The following WNT3 variants were observed in gnomAD, a reference collection of about 807,000 sequenced individuals.
WNT3 encodes Wnt family member 3.
In WNT3, 7 loss-of-function variants were observed where a neutral mutation model predicts 34.2. The observed-to-expected ratio is 0.20, with a 90% confidence interval of 0.12 to 0.38. The LOEUF is 0.38. Among genes scored for constraint, WNT3 ranks in the 10% least tolerant of loss-of-function variants. The pLI is 1.00. For synonymous variants in WNT3, 212 were observed against 211.5 expected, an observed-to-expected ratio of 1.00 and a Z score of -0.02; for missense variants, 267 against 499.8, an observed-to-expected ratio of 0.53 and a Z score of 4.44.
chr17:46,778,821 A>G (rs963762083), intron 1 of WNT3, among the ~76,000 whole-genome samples: 1 of 151,824 alleles, frequency 6.6e-6, no homozygotes, highest in Non-Finnish European at 1.5e-5. Flanking sequence ...ACCATTCTAC[A>G]CCATCCTTTG....
intron 1 of WNT3, among the ~76,000 whole-genome samples, chr17:46,805,770 C>T (rs187375916): frequency 3.3e-5 from 5 of 152,212 alleles, no homozygotes; most frequent in African/African-American, 1.2e-4. Context: ...CAAACTGAAA[C>T]TTGACAGTGA....
At chr17:46,792,599 G>A (rs1157280834) in intron 1 of WNT3, among the ~76,000 whole-genome samples, 5 of 152,124 alleles carry the variant, frequency 3.3e-5, no homozygotes, top group African/African-American at 7.2e-5. Flanking sequence ...TCAGCCTCCC[G>A]AGTAGCTGGG....
At chr17:46,771,942 C>A (rs570786956) in intron 2 of WNT3, among the ~76,000 whole-genome samples, 1 of 147,592 alleles carries the variant, frequency 6.8e-6, no homozygotes, top group South Asian at 2.1e-4. Flanking sequence ...GCGCCGCCGC[C>A]GCGCCTCGCC....
chr17:46,815,944 G>A (rs2084336387), intron 1 of WNT3, among the ~76,000 whole-genome samples: 1 of 152,118 alleles, frequency 6.6e-6, no homozygotes, highest in South Asian at 2.1e-4. Flanking sequence ...CAGCACCTGG[G>A]GACAGGATCA....
In WNT3 at chr17:46,769,903, G is replaced by A; in HGVS notation, c.468C>T (p.Gly156=). Residue 156 remains glycine, a synonymous_variant, in exon 3 of 5, where the codon GGC becomes GGT. Transcript: ENST00000225512. ...KGPPGEGWKW[G]GCSEDADFGV... is the part of the protein sequence containing the mutation. ...CGAAGTCAGCGTCCTCGCTGCAGCC[G>A]CCCCACTTCCAGCCTTCGCCAGGCG... is the stretch of plus-strand genomic sequence containing the variant. The A allele has an allele frequency of 6.2e-7, 1 of 1,613,552 alleles. No homozygotes were observed.
chr17:46,773,433 A>C (rs911316196), intron 2 of WNT3, among the ~76,000 whole-genome samples: 1 of 152,064 alleles, frequency 6.6e-6, no homozygotes, highest in African/African-American at 2.4e-5. Context: ...GCCAGGAAGG[A>C]AGTCTGTGGC....
chr17:46,788,227 C>G lies in WNT3; in HGVS notation c.81-14318G>C, dbSNP rs114456492. On this transcript the variant is annotated intron_variant, in intron 1 of 4. Transcript: ENST00000225512. ...GCCTCCCACTCCACTAAGTGGAATT[C>G]TAATTCAAATTTTTCCTAAGCCATG... is the stretch of plus-strand genomic sequence containing the variant. Among the ~76,000 whole-genome samples, 866 of 152,334 alleles carry G rather than the reference C, an allele frequency of 5.7e-3. 7 individuals are homozygous for G. Among genetic ancestry groups the G allele is most frequent in the African/African-American group, 0.02 (823 of 41,582 alleles).
Position 46,785,120 on chromosome 17 carries a change from C to T in WNT3, c.81-11211G>A, listed in dbSNP as rs1482862799. On this transcript the variant is annotated intron_variant, in intron 1 of 4. Transcript: ENST00000225512. ...TATGATGCATCCTAAGCCTTCAGTGCACAGCTGCCTTCCCTTGGGGACCCC... is the reference window on the plus strand; with the variant it reads ...TATGATGCATCCTAAGCCTTCAGTGTACAGCTGCCTTCCCTTGGGGACCCC... Among the ~76,000 whole-genome samples the T allele has an allele frequency of 3.3e-5, 5 of 152,300 alleles. No individual in the cohort carries two copies. In the South Asian group the frequency reaches 8.3e-4, roughly 25 times the overall value.
At chr17:46,798,897 A>G (rs1456470438) in intron 1 of WNT3, among the ~76,000 whole-genome samples, 1 of 151,826 alleles carries the variant, frequency 6.6e-6, no homozygotes, top group African/African-American at 2.4e-5. Flanking sequence ...AAAATACAAA[A>G]ATTGGCCAGG....
At chr17:46,770,490 C>G (rs116214961) in intron 2 of WNT3, among the ~76,000 whole-genome samples, 1,794 of 152,274 alleles carry the variant, frequency 0.012, 39 homozygotes, top group African/African-American at 0.042. Flanking sequence ...AGGAGGGAGG[C>G]CTGGGAATCT....
intron 1 of WNT3, among the ~76,000 whole-genome samples, chr17:46,808,684 C>T (rs181472921): frequency 2.0e-4 from 31 of 152,300 alleles, no homozygotes; most frequent in African/African-American, 7.0e-4. Context: ...AGAGAAACAA[C>T]TTCTGCCAAT....
intron 1 of WNT3, among the ~76,000 whole-genome samples, chr17:46,812,846 A>G (rs560044631): frequency 6.6e-6 from 1 of 152,178 alleles, no homozygotes; most frequent in Non-Finnish European, 1.5e-5. Flanking sequence ...TAACATCGAT[A>G]TGCTTCCTGT....
chr17:46,766,499 C>T (rs897032061), intron 4 of WNT3, among the ~76,000 whole-genome samples: 2 of 152,116 alleles, frequency 1.3e-5, no homozygotes, highest in African/African-American at 4.8e-5. Context: ...GCTGAGTGGA[C>T]GAGTGGAGGC....
intron 1 of WNT3, among the ~76,000 whole-genome samples, chr17:46,796,126 G>A (rs1048362533): frequency 1.3e-5 from 2 of 152,182 alleles, no homozygotes; most frequent in Non-Finnish European, 2.9e-5. Context: ...CCCCAATCCT[G>A]ATCTTATTGC....
intron 2 of WNT3, among the ~76,000 whole-genome samples, chr17:46,770,278 G>C (rs1172764811): frequency 1.3e-5 from 2 of 152,238 alleles, no homozygotes; most frequent in Non-Finnish European, 2.9e-5. Context: ...CTGCTGATTA[G>C]CTCAGGACCT....
intron 1 of WNT3, among the ~76,000 whole-genome samples, chr17:46,788,568 T>A (rs1180963659): frequency 6.6e-6 from 1 of 152,218 alleles, no homozygotes; most frequent in Non-Finnish European, 1.5e-5. Context: ...CAATTCAAAT[T>A]GTTCCCTCTG....
rs141022619 is a variant in WNT3, at chr17:46,808,761, A to G, written c.80+9757T>C. Among the ~76,000 whole-genome samples the G allele has an allele frequency of 3.4e-3, 516 of 152,304 alleles. 1 individual carries two copies. Among genetic ancestry groups the G allele is most frequent in the African/African-American group, 0.012 (498 of 41,566 alleles). On this transcript the variant is annotated intron_variant, in intron 1 of 4. Transcript: ENST00000225512. ...TGAACTGGTGAACATGGAGGGGGAAATAGTACACAAATAGGAAACGTTTAC... is the reference window on the plus strand; with the variant it reads ...TGAACTGGTGAACATGGAGGGGGAAGTAGTACACAAATAGGAAACGTTTAC...
rs1001486860 is a variant in WNT3, at chr17:46,763,732, A to G, written c.*898T>C. 2.0e-5 allele frequency: 3 copies of G among 151,182 alleles called. No homozygotes were observed. The highest frequency in any genetic ancestry group is 7.3e-5 in the African/African-American group (3 of 41,114). The allele number at this position is 151,182 out of a possible 1,614,324, so 9.4% of individuals were successfully genotyped here. Reference sequence around the variant, plus strand: ...GGTGAGCAGGGCTGGGAAGGACTGAATGGCCCCTTCTGAAGATACCGCTTA... The same window carrying G: ...GGTGAGCAGGGCTGGGAAGGACTGAGTGGCCCCTTCTGAAGATACCGCTTA... On this transcript the variant is annotated 3_prime_UTR_variant, in exon 5 of 5. Coordinates refer to ENST00000225512, the MANE Select transcript of WNT3 (RefSeq NM_030753.5).
At chr17:46,793,124 A>G (rs1315885222) in intron 1 of WNT3, among the ~76,000 whole-genome samples, 2 of 125,858 alleles carry the variant, frequency 1.6e-5, no homozygotes, top group East Asian at 4.7e-4. Context: ...AAAAAAAAAA[A>G]TTAGCTGGGC....
Sources: gnomAD v4.1 joint callset for allele counts (sites outside exome capture counted in the v4.1 genomes callset) on GRCh38, gnomAD v4.1.1 for gene constraint, MANE v1.5 for transcripts, NCBI Gene and HGNC (gene_info 2026-07-23, HGNC 2026-07-21) for gene names.